WNT7A: variants seen among roughly 807,000 people sequenced by gnomAD.
WNT7A encodes the protein protein Wnt-7a.
Under a neutral mutation model 28.2 loss-of-function variants are expected in WNT7A, and 16 were observed. That is an observed-to-expected ratio of 0.57 (90% confidence interval 0.38 to 0.86). The LOEUF (loss-of-function observed/expected upper bound fraction) is 0.86. WNT7A is among the 40% of genes least tolerant of loss of function. The probability of loss-of-function intolerance (pLI) is 0.00; values close to 1 mark genes in which losing one functional copy is unlikely to be tolerated. For synonymous variants in WNT7A, 190 were observed against 195.9 expected, an observed-to-expected ratio of 0.97 and a Z score of 0.25; for missense variants, 411 against 489.7, an observed-to-expected ratio of 0.84 and a Z score of 1.52.
rs1694059721 is a variant in WNT7A, at chr3:13,818,784, A to T, written c.*160T>A. The T allele has an allele frequency of 8.7e-7, 1 of 1,145,020 alleles. No homozygotes were observed. 70.9% of individuals were successfully genotyped at this position (1,145,020 alleles called of 1,614,324 possible). ...ACAGAATAGTTGAGGGCTCTGAGAG[A>T]TTTTTTTTCCCCCACGGATGCCTGC... On this transcript the variant is annotated 3_prime_UTR_variant, in exon 4 of 4. Transcript: ENST00000285018.
At chr3:13,853,760 G>A (rs1043460844) in intron 3 of WNT7A, among the ~76,000 whole-genome samples, 3 of 152,142 alleles carry the variant, frequency 2.0e-5, no homozygotes, top group East Asian at 1.9e-4. Context: ...GACTTGCTGC[G>A]GGCCACGTGC....
At chr3:13,863,542 T>C (rs992979935) in intron 2 of WNT7A, 2 of 151,864 alleles carry the variant, frequency 1.3e-5, no homozygotes, top group Non-Finnish European at 2.9e-5. Context: ...AAAAGAGTCA[T>C]CTCAGAGAAT....
chr3:13,857,532 C>T (rs907213145), intron 2 of WNT7A, among the ~76,000 whole-genome samples: 3 of 152,226 alleles, frequency 2.0e-5, no homozygotes, highest in African/African-American at 4.8e-5. Flanking sequence ...GGAAATTGAT[C>T]GCCACTTCCT....
At chr3:13,853,244 GA>G (rs1694667838) in intron 3 of WNT7A, among the ~76,000 whole-genome samples, 1 of 152,232 alleles carries the variant, frequency 6.6e-6, no homozygotes, top group Non-Finnish European at 1.5e-5. Context: ...AAAGTCTAGA[GA>G]GGGGAGAAAG....
chr3:13,855,207 CA>C (rs1694710140), intron 2 of WNT7A, among the ~76,000 whole-genome samples: 1 of 152,236 alleles, frequency 6.6e-6, no homozygotes, highest in Non-Finnish European at 1.5e-5. Flanking sequence ...CCAACACCCA[CA>C]GAGGACACTG....
At chr3:13,836,165 T>C (rs188063847) in intron 3 of WNT7A, among the ~76,000 whole-genome samples, 188 of 147,628 alleles carry the variant, frequency 1.3e-3, no homozygotes, top group African/African-American at 4.5e-3. Context: ...ATGGATTGTA[T>C]GGCATGAGAA....
chr3:13,822,035 C>T lies in WNT7A; in HGVS notation c.571-2612G>A, dbSNP rs148527763. ...TCCCCAGGGAAAGGCAAATCAAAAC[C>T]ACAACGACATGCTCCTTTACACTCA... On this transcript the variant is annotated intron_variant, in intron 3 of 3. Coordinates refer to ENST00000285018, the MANE Select transcript of WNT7A (RefSeq NM_004625.4). Among the ~76,000 whole-genome samples the T allele has an allele frequency of 1.7e-3, 260 of 152,294 alleles. 1 individual carries two copies. Among genetic ancestry groups the T allele is most frequent in the African/African-American group, 5.8e-3 (242 of 41,558 alleles).
At chr3:13,851,850 C>T (rs955668354) in intron 3 of WNT7A, among the ~76,000 whole-genome samples, 3 of 152,330 alleles carry the variant, frequency 2.0e-5, no homozygotes, top group East Asian at 3.9e-4. Flanking sequence ...CCGACCTGAG[C>T]GGCCACTGAT....
At chr3:13,847,450 G>A (rs955963599) in intron 3 of WNT7A, among the ~76,000 whole-genome samples, 13 of 152,180 alleles carry the variant, frequency 8.5e-5, no homozygotes, top group African/African-American at 3.1e-4. Context: ...GGCCCCTCCA[G>A]TTCAGGGTCT....
chr3:13,828,169 G>C (rs1045647314), intron 3 of WNT7A, among the ~76,000 whole-genome samples: 5 of 152,156 alleles, frequency 3.3e-5, no homozygotes, highest in Non-Finnish European at 7.3e-5. Flanking sequence ...AGTGAGTCCT[G>C]GGGATTCTGC....
chr3:13,839,454 A>G (rs751312049), intron 3 of WNT7A, among the ~76,000 whole-genome samples: 7 of 152,210 alleles, frequency 4.6e-5, no homozygotes, highest in Non-Finnish European at 8.8e-5. Context: ...CCCTCAGCCC[A>G]TGGCGTCCTT....
intron 3 of WNT7A, among the ~76,000 whole-genome samples, chr3:13,836,597 A>G (rs903888993): frequency 6.6e-6 from 1 of 152,218 alleles, no homozygotes; most frequent in Non-Finnish European, 1.5e-5. Flanking sequence ...CTCCCACTGC[A>G]GGGCCTGTGC....
At chr3:13,827,256 T>C (rs776145760) in intron 3 of WNT7A, among the ~76,000 whole-genome samples, 2 of 152,202 alleles carry the variant, frequency 1.3e-5, no homozygotes, top group African/African-American at 4.8e-5. Flanking sequence ...TGTCCTGGAA[T>C]GTATGTAAGC....
intron 3 of WNT7A, among the ~76,000 whole-genome samples, chr3:13,829,198 G>A (rs181434953): frequency 6.6e-6 from 1 of 152,298 alleles, no homozygotes; most frequent in East Asian, 1.9e-4. Flanking sequence ...GAATGGAAGG[G>A]TGAAAAGAGC....
At chr3:13,875,350 A>G (rs934500813) in intron 1 of WNT7A, among the ~76,000 whole-genome samples, 177 bp from the exon 2 acceptor site, 5 of 152,244 alleles carry the variant, frequency 3.3e-5, no homozygotes, top group African/African-American at 1.2e-4. Context: ...TAATTTCTAC[A>G]TAGGCTCTTG....
At chr3:13,845,494 C>T (rs938291182) in intron 3 of WNT7A, among the ~76,000 whole-genome samples, 1 of 152,196 alleles carries the variant, frequency 6.6e-6, no homozygotes, top group Non-Finnish European at 1.5e-5. Flanking sequence ...CAGCTATAAG[C>T]AGTTTAAATT....
chr3:13,878,184 C>G (rs943174674), intron 1 of WNT7A, among the ~76,000 whole-genome samples: 4 of 151,982 alleles, frequency 2.6e-5, no homozygotes, highest in African/African-American at 7.2e-5. Context: ...GCCGCGGCGC[C>G]GGCGGGAGGG....
intron 2 of WNT7A, among the ~76,000 whole-genome samples, chr3:13,871,745 C>G (rs1695028878): frequency 6.6e-6 from 1 of 152,106 alleles, no homozygotes. Flanking sequence ...GACTCCAGAC[C>G]CCCACTGCCA....
chr3:13,879,337 G>A (rs1305949668), intron 1 of WNT7A, among the ~76,000 whole-genome samples: 1 of 152,156 alleles, frequency 6.6e-6, no homozygotes, highest in African/African-American at 2.4e-5. Context: ...AGTTCGTCTC[G>A]GGCTCCGGGG....
Sources: gnomAD v4.1 joint callset for allele counts (sites outside exome capture counted in the v4.1 genomes callset) on GRCh38, gnomAD v4.1.1 for gene constraint, MANE v1.5 for transcripts, NCBI Gene and HGNC (gene_info 2026-07-23, HGNC 2026-07-21) for gene names.